Variants in MSS51 observed in about 807,000 individuals in gnomAD.
MSS51 encodes the protein MSS51 mitochondrial translational activator.
A neutral mutation model predicts 40.2 loss-of-function variants in MSS51; 32 were observed. That is an observed-to-expected ratio of 0.80 (90% CI 0.60 to 1.07). The LOEUF is 1.07. MSS51 is among the 50% of genes least tolerant of loss of function. The probability of loss-of-function intolerance (pLI) is 0.00; values close to 1 mark genes in which losing one functional copy is unlikely to be tolerated. For synonymous variants in MSS51, 178 were observed against 214.2 expected (o/e 0.83, Z 1.48); for missense variants, 518 against 568.9 (o/e 0.91, Z 0.91).
At position 73,424,689 on chromosome 10, in the gene MSS51, G is replaced by C. The variant is rs751022313; in HGVS notation, c.1247C>G (p.Ser416Cys). 6.2e-7 allele frequency: 1 copy of C among 1,614,092 alleles called. No homozygotes were observed. Among genetic ancestry groups the C allele is most frequent in the South Asian group, 1.1e-5 (1 of 91,080 alleles). The change falls in exon 7 of 7, where the codon TCC becomes TGC. Residue 416 changes from serine (S) to cysteine (C), a missense_variant. Coordinates refer to ENST00000299432, the MANE Select transcript of MSS51 (RefSeq NM_001024593.2). The part of the protein sequence containing the change: ...ITAFGSNPFM[S>C]LKPEQVYSSP... ...GGAATAGACCTGTTCAGGTTTGAGG[G>C]ACATGAAAGGATTAGACCCAAAGGC...
rs41280394 is a variant in MSS51 at position 73,424,982 on chromosome 10, G to A, written c.1163+116C>T. On this transcript the variant is annotated intron_variant, in intron 6 of 6. Coordinates refer to ENST00000299432, the MANE Select transcript of MSS51 (RefSeq NM_001024593.2). Reference sequence around the variant, plus strand: ...CCAAGGGGATAAAAAAGCCATATGCGGAAAAGAACATCCTCACCAGAAGGT... The same window carrying A: ...CCAAGGGGATAAAAAAGCCATATGCAGAAAAGAACATCCTCACCAGAAGGT... 573 of 881,840 alleles carry A rather than the reference G, an allele frequency of 6.5e-4. No homozygotes were observed. In the African/African-American group the frequency reaches 8.0e-3, roughly 12 times the overall value. The allele number at this position is 881,840 out of a possible 1,614,324, so 54.6% of individuals were successfully genotyped here. A position where few individuals can be genotyped will look rare whatever the true frequency, so the allele number is the denominator to read the frequency against.
rs2055988280 is a variant in MSS51 at position 73,426,354 on chromosome 10, G to T, written c.526C>A (p.Pro176Thr). The T allele has an allele frequency of 6.2e-7, 1 of 1,602,238 alleles. No individual in the cohort carries two copies. The highest frequency in any genetic ancestry group is 8.5e-7 in the Non-Finnish European group (1 of 1,179,888). ...VTGDFVLPSG[P>T]WPWPPEAVQD... ...ACAGCTTCAGGTGGCCATGGCCAAG[G>T]TCCTGAGGGTAGAACAAAATCACCT... Residue 176 changes from proline (P) to threonine (T), a missense_variant, in exon 5 of 7, where the codon CCT (proline) becomes ACT (threonine). Transcript: ENST00000299432.
chr10:73,425,555 G>A (rs1433705493), intron 5 of MSS51, among the ~76,000 whole-genome samples: 1 of 151,746 alleles, frequency 6.6e-6, no homozygotes, highest in Admixed American at 6.6e-5. Context: ...CCAGCTACTC[G>A]GGAGGCTGAG....
chr10:73,428,747 A>G (rs1446666833), intron 1 of MSS51, among the ~76,000 whole-genome samples: 1 of 151,806 alleles, frequency 6.6e-6, no homozygotes, highest in Non-Finnish European at 1.5e-5. Context: ...TTGGCCTCCC[A>G]AAATGCCAGG....
chr10:73,431,802 A>G (rs1258582927), intron 1 of MSS51, among the ~76,000 whole-genome samples: 1 of 152,200 alleles, frequency 6.6e-6, no homozygotes, highest in Non-Finnish European at 1.5e-5. Flanking sequence ...ATTACCTTCA[A>G]TGAAGAAATT....
intron 1 of MSS51, among the ~76,000 whole-genome samples, chr10:73,428,610 C>T (rs996823847): frequency 1.3e-5 from 2 of 152,030 alleles, no homozygotes; most frequent in African/African-American, 2.4e-5. Context: ...CTCAGCCTCC[C>T]GAGTAGCTGG....
chr10:73,425,413 G>A (rs1173351787), intron 5 of MSS51, among the ~76,000 whole-genome samples: 3 of 152,060 alleles, frequency 2.0e-5, no homozygotes, highest in Non-Finnish European at 4.4e-5. Context: ...GGTGGCTCAC[G>A]CCTGTAATCC....
intron 1 of MSS51, 90 bp from the exon 2 acceptor site, chr10:73,428,391 C>A: frequency 9.9e-7 from 1 of 1,005,466 alleles, no homozygotes; most frequent in South Asian, 1.7e-5. Flanking sequence ...TTTCATTTCT[C>A]ATTCCAGTCT....
chr10:73,430,840 C>G (rs80167349), intron 1 of MSS51, among the ~76,000 whole-genome samples: 1 of 152,038 alleles, frequency 6.6e-6, no homozygotes, highest in Non-Finnish European at 1.5e-5. Context: ...CAGCACTATT[C>G]GCAACAGCTA....
chr10:73,431,403 C>T (rs1208871770), intron 1 of MSS51, among the ~76,000 whole-genome samples: 5 of 152,132 alleles, frequency 3.3e-5, no homozygotes, highest in East Asian at 1.9e-4. Flanking sequence ...GGATTAAAAA[C>T]GCTGGCAGTG....
In MSS51 at chr10:73,428,063, C is replaced by T. The variant is rs1360566895; in HGVS notation, c.221+1G>A. ...CCTTTTCCATAGAGCTGGTCACTCA[C>T]TTATATTCTTCATAGCTTTTCATGT... On this transcript the variant is annotated splice_donor_variant, in intron 2 of 6. Coordinates refer to ENST00000299432, the MANE Select transcript of MSS51 (RefSeq NM_001024593.2). LOFTEE classifies it high-confidence loss of function. 75 of 1,613,628 alleles carry T rather than the reference C, an allele frequency of 4.6e-5. No individual in the cohort carries two copies. Among genetic ancestry groups the T allele is most frequent in the Non-Finnish European group, 6.0e-5 (71 of 1,179,744 alleles).
rs759120792 is a variant in MSS51, at chr10:73,427,593, A to T, written c.377+20T>A. On this transcript the variant is annotated intron_variant, in intron 3 of 6. Coordinates refer to ENST00000299432, the MANE Select transcript of MSS51 (RefSeq NM_001024593.2). ...CAGGATCATTTCTGAATGTCTCCCTATTAGCCCCCAACAAGTCACCTCTTA... is the reference window on the plus strand; with the variant it reads ...CAGGATCATTTCTGAATGTCTCCCTTTTAGCCCCCAACAAGTCACCTCTTA... 2.5e-6 allele frequency: 4 copies of T among 1,594,530 alleles called. No individual in the cohort carries two copies. In the African/African-American group the frequency reaches 4.0e-5, roughly 16 times the overall value.
intron 1 of MSS51, among the ~76,000 whole-genome samples, chr10:73,430,432 AAAC>A (rs1248671069): frequency 1.3e-5 from 2 of 152,186 alleles, no homozygotes; most frequent in Non-Finnish European, 2.9e-5. Context: ...AAAAACCACC[AAAC>A]AACCCAACTA....
At chr10:73,427,789 A>G (rs577979570) in intron 2 of MSS51, 21 bp from the exon 3 acceptor site, 1 of 1,611,434 alleles carries the variant, frequency 6.2e-7, no homozygotes, top group Non-Finnish European at 8.5e-7. Flanking sequence ...AGCATGGAGA[A>G]GGAATGACAA....
At chr10:73,426,524 C>T in intron 4 of MSS51, 83 bp downstream of exon 4, 3 of 1,597,302 alleles carry the variant, frequency 1.9e-6, no homozygotes, top group Non-Finnish European at 2.6e-6. Context: ...CTCATTTTTT[C>T]ATAACAATAT....
intron 6 of MSS51, 54 bp from the exon 7 acceptor site, chr10:73,424,826 A>G: frequency 7.0e-7 from 1 of 1,434,616 alleles, no homozygotes; most frequent in Non-Finnish European, 9.8e-7. Flanking sequence ...GAGATAAAGG[A>G]AAAACTGCCC....
intron 1 of MSS51, among the ~76,000 whole-genome samples, chr10:73,431,951 A>G (rs1324645101): frequency 6.6e-6 from 1 of 152,146 alleles, no homozygotes; most frequent in East Asian, 1.9e-4. Flanking sequence ...TAATCACCTC[A>G]CATTCTCATT....
chr10:73,428,012 T>A, intron 2 of MSS51, 52 bp downstream of exon 2: 1 of 1,553,408 alleles, frequency 6.4e-7, no homozygotes, highest in Non-Finnish European at 8.8e-7. Flanking sequence ...CCTTCTGAAA[T>A]TTACTTCTAC....
Position 73,424,708 on chromosome 10 carries a change from CAAAGGCAGTGATG to C in MSS51, c.1215_1227del (p.His405GlnfsTer44), listed in dbSNP as rs1268653642. 1 of 1,614,076 alleles carries C rather than the reference CAAAGGCAGTGATG, an allele frequency of 6.2e-7. No homozygotes were observed. The highest frequency in any genetic ancestry group is 1.7e-5 in the Admixed American group (1 of 60,014). Reference sequence around the variant, plus strand: ...TTGAGGGACATGAAAGGATTAGACCCAAAGGCAGTGATGTGTGTATCCAGTTCCACCAGAATCT... The same window carrying C: ...TTGAGGGACATGAAAGGATTAGACCCTGTGTATCCAGTTCCACCAGAATCT... On this transcript the variant is annotated frameshift_variant, in exon 7 of 7. Coordinates refer to ENST00000299432, the MANE Select transcript of MSS51 (RefSeq NM_001024593.2). LOFTEE classifies it high-confidence loss of function.
Sources: allele counts gnomAD v4.1 joint callset (sites outside exome capture counted in the v4.1 genomes callset), GRCh38; gene constraint gnomAD v4.1.1; transcripts MANE v1.5; gene names NCBI Gene and HGNC (gene_info 2026-07-23, HGNC 2026-07-21).